The following PPA2 variants were observed in gnomAD, a reference collection of about 807,000 sequenced individuals.
PPA2 encodes inorganic pyrophosphatase 2, mitochondrial.
PPA2 carries 48 observed loss-of-function variants against 49.5 expected under a neutral mutation model. The observed-to-expected ratio is 0.97, with a 90% CI of 0.77 to 1.23. The LOEUF is 1.23. PPA2 is among the 50% of genes most tolerant of loss of function. The pLI, the probability that PPA2 is intolerant of heterozygous loss-of-function variation, is 0.00. For missense variants in PPA2, 429 were observed against 410.1 expected, an observed-to-expected ratio of 1.05 and a Z score of -0.40; for synonymous variants, 131 against 139.9, an observed-to-expected ratio of 0.94 and a Z score of 0.45.
chr4:105,433,979 T>C (rs1322448226), intron 6 of PPA2, among the ~76,000 whole-genome samples: 1 of 152,182 alleles, frequency 6.6e-6, no homozygotes, highest in Non-Finnish European at 1.5e-5. Flanking sequence ...GCTGTGGTAG[T>C]ATGGTATTCT....
At chr4:105,408,849 T>C (rs1383573635) in intron 7 of PPA2, among the ~76,000 whole-genome samples, 1 of 152,136 alleles carries the variant, frequency 6.6e-6, no homozygotes, top group African/African-American at 2.4e-5. Flanking sequence ...CAACAACTGA[T>C]GTAAAAATTA....
At chr4:105,449,912 A>G (rs1387346728) in intron 3 of PPA2, among the ~76,000 whole-genome samples, 1 of 152,222 alleles carries the variant, frequency 6.6e-6, no homozygotes, top group Non-Finnish European at 1.5e-5. Context: ...TTACAATCAC[A>G]GTGTAAAATT....
intron 6 of PPA2, among the ~76,000 whole-genome samples, chr4:105,427,868 G>A (rs966797879): frequency 2.6e-5 from 4 of 152,072 alleles, no homozygotes; most frequent in Non-Finnish European, 1.5e-5. Context: ...GATACTCCTC[G>A]AGAAGAGCAA....
intron 1 of PPA2, among the ~76,000 whole-genome samples, chr4:105,470,699 T>C (rs1318990017): frequency 6.6e-6 from 1 of 152,186 alleles, no homozygotes; most frequent in Non-Finnish European, 1.5e-5. Context: ...ACCTATCACG[T>C]GTGAGACACT....
intron 2 of PPA2, among the ~76,000 whole-genome samples, chr4:105,454,213 C>A (rs953846340): frequency 1.4e-4 from 22 of 152,212 alleles, no homozygotes; most frequent in Non-Finnish European, 2.9e-4. Context: ...AACGTTTATA[C>A]ACCAAAATGA....
intron 3 of PPA2, among the ~76,000 whole-genome samples, chr4:105,449,658 G>A (rs1311079880): frequency 6.6e-6 from 1 of 152,134 alleles, no homozygotes; most frequent in African/African-American, 2.4e-5. Context: ...TATCTTTGAT[G>A]AGTAGTGACA....
rs1295707770 is a variant in PPA2, at chr4:105,405,704, CA to C, written c.656-6541del. 12 of 840,852 alleles carry C rather than the reference CA, an allele frequency of 1.4e-5. No individual in the cohort carries two copies. In the African/African-American group the frequency reaches 2.2e-4, roughly 15 times the overall value. 52.1% of individuals were successfully genotyped at this position (840,852 alleles called of 1,614,324 possible). Reference sequence around the variant, plus strand: ...AAATTCGTGTTTCAATGTACTCCCTCAGGCTAACCTACCTAAAATAGATACC... The same window carrying C: ...AAATTCGTGTTTCAATGTACTCCCTCGGCTAACCTACCTAAAATAGATACC... On this transcript the variant is annotated intron_variant, in intron 7 of 11. Transcript: ENST00000341695.
At chr4:105,453,327 G>A (rs112922119) in intron 3 of PPA2, among the ~76,000 whole-genome samples, 1 of 152,084 alleles carries the variant, frequency 6.6e-6, no homozygotes, top group Non-Finnish European at 1.5e-5. Context: ...TGGTGATGAG[G>A]ATTCCACAAC....
chr4:105,381,026 T>A (rs934467275), intron 10 of PPA2, among the ~76,000 whole-genome samples: 6 of 152,136 alleles, frequency 3.9e-5, no homozygotes, highest in African/African-American at 7.2e-5. Context: ...TCTGAAAGCT[T>A]CCCTTTCTTC....
chr4:105,397,962 C>A (rs913914775), intron 8 of PPA2, among the ~76,000 whole-genome samples: 64 of 152,170 alleles, frequency 4.2e-4, no homozygotes, highest in African/African-American at 1.5e-3. Context: ...ACTAAGGGCA[C>A]TAAGGCTCTA....
Position 105,386,565 on chromosome 4 carries a change from A to G in PPA2, c.939+2T>C, listed in dbSNP as rs757950857. ...AGGATGTCTTGGATGTTTGCCCCTT[A>G]CCGATTCAACTAATGATCTTGCTTC... On this transcript the variant is annotated splice_donor_variant, in intron 10 of 11. Coordinates refer to ENST00000341695, the MANE Select transcript of PPA2 (RefSeq NM_176869.3). LOFTEE classifies it high-confidence loss of function. 1.9e-6 allele frequency: 3 copies of G among 1,608,676 alleles called. No homozygotes were observed. Among genetic ancestry groups the G allele is most frequent in the Non-Finnish European group, 2.6e-6 (3 of 1,175,480 alleles).
intron 7 of PPA2, chr4:105,423,305 T>A (rs143036854): frequency 2.6e-5 from 4 of 152,164 alleles, no homozygotes; most frequent in African/African-American, 7.2e-5. Context: ...GATTAATACA[T>A]TGTTAATGAG....
At chr4:105,375,655 A>G (rs2110361536) in intron 10 of PPA2, among the ~76,000 whole-genome samples, 1 of 152,258 alleles carries the variant, frequency 6.6e-6, no homozygotes. Context: ...TCCCAGCCAG[A>G]TTAACCTCAG....
At chr4:105,451,507 T>C (rs1722674752) in intron 3 of PPA2, among the ~76,000 whole-genome samples, 1 of 152,216 alleles carries the variant, frequency 6.6e-6, no homozygotes, top group African/African-American at 2.4e-5. Context: ...TCATTTTCTA[T>C]GCTCTTTCAT....
chr4:105,439,132 A>G (rs1408297047), intron 5 of PPA2, among the ~76,000 whole-genome samples: 1 of 152,182 alleles, frequency 6.6e-6, no homozygotes, highest in Non-Finnish European at 1.5e-5. Flanking sequence ...GGTGACAAAC[A>G]CTTTCTAGCT....
At chr4:105,372,021 C>T (rs1733045680) in intron 10 of PPA2, among the ~76,000 whole-genome samples, 1 of 152,222 alleles carries the variant, frequency 6.6e-6, no homozygotes, top group Admixed American at 6.5e-5. Context: ...CAGCCACCCA[C>T]CGGCCCCTGC....
intron 5 of PPA2, among the ~76,000 whole-genome samples, chr4:105,440,625 C>A (rs1409279339): frequency 6.6e-6 from 1 of 152,192 alleles, no homozygotes. Context: ...CATTTACAAT[C>A]TGCATGAATG....
intron 10 of PPA2, among the ~76,000 whole-genome samples, chr4:105,383,153 T>C (rs1394645469): frequency 1.3e-5 from 2 of 152,178 alleles, no homozygotes; most frequent in Non-Finnish European, 2.9e-5. Context: ...GAACAAAACT[T>C]GTTTATGATA....
intron 2 of PPA2, among the ~76,000 whole-genome samples, chr4:105,455,431 C>A (rs969414858): frequency 3.3e-5 from 5 of 152,224 alleles, no homozygotes; most frequent in Non-Finnish European, 7.4e-5. Context: ...AGGCATTACA[C>A]AAGAGAAGTG....
Sources: allele counts gnomAD v4.1 joint callset (sites outside exome capture counted in the v4.1 genomes callset), GRCh38; gene constraint gnomAD v4.1.1; transcripts MANE v1.5; gene names NCBI Gene and HGNC (gene_info 2026-07-23, HGNC 2026-07-21).